PAK5: variants seen among roughly 807,000 people sequenced by gnomAD.
PAK5 encodes p21 (RAC1) activated kinase 5.
A neutral mutation model predicts 65.9 loss-of-function variants in PAK5; 16 were observed. The ratio of observed to expected loss-of-function variants is 0.24; its 90% CI spans 0.16 to 0.37. The LOEUF (loss-of-function observed/expected upper bound fraction) is 0.37, where lower values mean the gene tolerates loss of function less well. Among genes scored for constraint, PAK5 ranks in the 10% least tolerant of loss-of-function variants. The pLI, the probability that PAK5 is intolerant of heterozygous loss-of-function variation, is 1.00. For missense variants in PAK5, 785 were observed against 903.9 expected (o/e 0.87, Z 1.69); for synonymous variants, 371 against 354.9 (o/e 1.05, Z -0.51).
At chr20:9,567,271 C>G (rs6039506) in intron 4 of PAK5, among the ~76,000 whole-genome samples, 1 of 151,988 alleles carries the variant, frequency 6.6e-6, no homozygotes, top group South Asian at 2.1e-4. Context: ...CAGAAAAGAT[C>G]TGTTGATTGG....
At chr20:9,625,152 C>T (rs1195373784) in intron 3 of PAK5, among the ~76,000 whole-genome samples, 1 of 152,174 alleles carries the variant, frequency 6.6e-6, no homozygotes, top group African/African-American at 2.4e-5. Context: ...CCTTTAACCA[C>T]CTCCATCACC....
At chr20:9,633,637 C>T (rs1049602562) in intron 3 of PAK5, among the ~76,000 whole-genome samples, 3 of 152,330 alleles carry the variant, frequency 2.0e-5, no homozygotes, top group African/African-American at 7.2e-5. Flanking sequence ...AGATTTGACA[C>T]CTGCATTGCC....
At chr20:9,743,819 C>T (rs992716478) in intron 1 of PAK5, among the ~76,000 whole-genome samples, 2 of 152,188 alleles carry the variant, frequency 1.3e-5, no homozygotes, top group African/African-American at 2.4e-5. Context: ...AAGATATCCA[C>T]GTCCTCATTC....
chr20:9,608,091 C>T (rs1241629807), intron 3 of PAK5, among the ~76,000 whole-genome samples: 1 of 152,150 alleles, frequency 6.6e-6, no homozygotes, highest in African/African-American at 2.4e-5. Context: ...TATGGGGTCT[C>T]TTTGACAGGG....
At chr20:9,657,990 C>T (rs150545468) in intron 2 of PAK5, among the ~76,000 whole-genome samples, 102 of 152,272 alleles carry the variant, frequency 6.7e-4, no homozygotes, top group African/African-American at 2.3e-3. Context: ...CAAATACACC[C>T]ATCTACTTTC....
rs772362758 is a variant in PAK5, at chr20:9,580,731, G to A, written c.404C>T (p.Ser135Phe). ...GGTCGTGTAGTCAGCAGTAGTATCG[G>A]ATTCGCTGGAATACTGGGAGAAGGT... ...FITFSQYSSESDTTADYTTEK... is the reference protein window; with the variant it reads ...FITFSQYSSEFDTTADYTTEK... Residue 135 changes from serine to phenylalanine, a missense_variant, in exon 4 of 10, where the codon TCC becomes TTC. By Grantham distance (155) the Ser-to-Phe change is radical. Around this residue, in one of 4 missense-constraint regions of PAK5, gnomAD observed 422 missense variants for 413.3 expected, o/e 1.02. Coordinates refer to ENST00000353224, the MANE Select transcript of PAK5 (RefSeq NM_177990.4). 13 of 1,613,996 alleles carry A rather than the reference G, an allele frequency of 8.1e-6. No homozygotes were observed. The highest frequency in any genetic ancestry group is 1.1e-5 in the Non-Finnish European group (13 of 1,179,962).
In PAK5 at chr20:9,701,517, A is replaced by G. The variant is rs555228415; in HGVS notation, c.-12+9769T>C. Among the ~76,000 whole-genome samples the G allele has an allele frequency of 4.6e-5, 7 of 152,326 alleles. No homozygotes were observed. In the South Asian group the frequency reaches 1.4e-3, roughly 32 times the overall value. On this transcript the variant is annotated intron_variant, in intron 2 of 9. Coordinates refer to ENST00000353224, the MANE Select transcript of PAK5 (RefSeq NM_177990.4). Reference sequence around the variant, plus strand: ...TAAGAATACCCCTCTGATTCATTCAATTAAAGACTTCCTGGACCAAACTCA... The same window carrying G: ...TAAGAATACCCCTCTGATTCATTCAGTTAAAGACTTCCTGGACCAAACTCA...
In PAK5 at chr20:9,537,915, T is replaced by C. The variant is rs552913509; in HGVS notation, c.*1547A>G. Reference sequence around the variant, plus strand: ...TGATAAATAATTAGCAACCTATTAATTACAAAAATTCTTAATTATGCTTAG... The same window carrying C: ...TGATAAATAATTAGCAACCTATTAACTACAAAAATTCTTAATTATGCTTAG... On this transcript the variant is annotated 3_prime_UTR_variant, in exon 10 of 10. Transcript: ENST00000353224. 1.7e-5 allele frequency: 4 copies of C among 229,968 alleles called. No individual in the cohort carries two copies. The East Asian group carries it at 2.5e-4, about 14-fold the overall frequency. The allele number at this position is 229,968 out of a possible 1,614,324, so 14.2% of individuals were successfully genotyped here. A position where few individuals can be genotyped will look rare whatever the true frequency, so the allele number is the denominator to read the frequency against.
chr20:9,653,675 G>A (rs921960023), intron 2 of PAK5, among the ~76,000 whole-genome samples: 1 of 152,138 alleles, frequency 6.6e-6, no homozygotes, highest in Non-Finnish European at 1.5e-5. Context: ...AATTCCCACT[G>A]TATTAGTTTC....
intron 1 of PAK5, among the ~76,000 whole-genome samples, chr20:9,782,701 G>A (rs1380944451): frequency 6.6e-6 from 1 of 152,218 alleles, no homozygotes; most frequent in Non-Finnish European, 1.5e-5. Context: ...AGGCATTGTA[G>A]ATACAGTAAT....
chr20:9,674,698 T>TC (rs964697284), intron 2 of PAK5, among the ~76,000 whole-genome samples: 3 of 152,114 alleles, frequency 2.0e-5, no homozygotes, highest in Non-Finnish European at 2.9e-5. Flanking sequence ...GGGAGTGCTT[T>TC]CAGGAAAGCA....
At chr20:9,815,748 A>G (rs1034811101) in intron 1 of PAK5, among the ~76,000 whole-genome samples, 1 of 152,138 alleles carries the variant, frequency 6.6e-6, no homozygotes, top group Non-Finnish European at 1.5e-5. Flanking sequence ...TGCTTATTAA[A>G]ATGGTAATTA....
At chr20:9,740,099 G>T (rs1416430901) in intron 1 of PAK5, among the ~76,000 whole-genome samples, 1 of 152,148 alleles carries the variant, frequency 6.6e-6, no homozygotes, top group African/African-American at 2.4e-5. Flanking sequence ...TAGGGAAAAG[G>T]AATTAAAAGC....
At chr20:9,679,458 T>C (rs552945508) in intron 2 of PAK5, among the ~76,000 whole-genome samples, 36 of 152,320 alleles carry the variant, frequency 2.4e-4, no homozygotes, top group African/African-American at 7.9e-4. Context: ...CTTGAGAACA[T>C]TTTATGTCTG....
chr20:9,828,507 T>C (rs924707700), intron 1 of PAK5, among the ~76,000 whole-genome samples: 4 of 152,330 alleles, frequency 2.6e-5, no homozygotes, highest in Admixed American at 1.3e-4. Context: ...AGAGGAAGAA[T>C]CTTTCTTTTA....
At chr20:9,698,933 T>G (rs1197468584) in intron 2 of PAK5, among the ~76,000 whole-genome samples, 1 of 152,206 alleles carries the variant, frequency 6.6e-6, no homozygotes, top group Non-Finnish European at 1.5e-5. Context: ...TTTTTAAAAT[T>G]TTTCCTATCT....
intron 2 of PAK5, among the ~76,000 whole-genome samples, chr20:9,654,273 C>T (rs2047238511): frequency 6.6e-6 from 1 of 152,110 alleles, no homozygotes; most frequent in Non-Finnish European, 1.5e-5. Context: ...GTGCCCGGCC[C>T]ATCTTTCCCA....
intron 1 of PAK5, among the ~76,000 whole-genome samples, chr20:9,735,520 C>T (rs143442250): frequency 1.6e-4 from 25 of 152,118 alleles, no homozygotes; most frequent in Admixed American, 1.1e-3. Flanking sequence ...GCCGAAGATC[C>T]GTGGACGTTA....
rs116493182 is a variant in PAK5, at chr20:9,721,931, A to G, written c.-161-10496T>C. Among the ~76,000 whole-genome samples, 682 of 152,146 alleles carry G rather than the reference A, an allele frequency of 4.5e-3. 5 individuals carry two copies. Among genetic ancestry groups the G allele is most frequent in the African/African-American group, 0.013 (551 of 41,488 alleles). On this transcript the variant is annotated intron_variant, in intron 1 of 9. Transcript: ENST00000353224. The stretch of plus-strand genomic sequence containing the variant: ...TGTGCTGTCACTTCTCCCATATATC[A>G]TGTTTTGGAAATATTTTCATTCTAG...
Sources: gnomAD v4.1 joint callset for allele counts (sites outside exome capture counted in the v4.1 genomes callset) on GRCh38, gnomAD v4.1.1 for gene constraint, gnomAD v4.1.1 regional missense constraint, MANE v1.5 for transcripts, NCBI Gene and HGNC (gene_info 2026-07-23, HGNC 2026-07-21) for gene names.